RGL1: variants seen among roughly 807,000 people sequenced by gnomAD.
RGL1 encodes ral guanine nucleotide dissociation stimulator-like 1.
A neutral mutation model predicts 95.2 loss-of-function variants in RGL1; 24 were observed. That is an observed-to-expected ratio of 0.25 (90% CI 0.18 to 0.35). The LOEUF (loss-of-function observed/expected upper bound fraction) is 0.35, where lower values mean the gene tolerates loss of function less well. RGL1 is among the 10% of genes least tolerant of loss of function. The probability of loss-of-function intolerance (pLI) is 1.00; values close to 1 mark genes in which losing one functional copy is unlikely to be tolerated. For synonymous variants in RGL1, 329 were observed against 344.9 expected, an observed-to-expected ratio of 0.95 and a Z score of 0.51; for missense variants, 715 against 936.3, an observed-to-expected ratio of 0.76 and a Z score of 3.08.
chr1:183,905,165 C>A (rs1364205630), intron 13 of RGL1, among the ~76,000 whole-genome samples, 194 bp downstream of exon 13: 1 of 152,182 alleles, frequency 6.6e-6, no homozygotes, highest in Non-Finnish European at 1.5e-5. Context: ...CTTTCAGACT[C>A]TTGCTTGGCC....
intron 1 of RGL1, among the ~76,000 whole-genome samples, chr1:183,690,236 TA>T (rs1391270592): frequency 3.9e-5 from 6 of 152,210 alleles, no homozygotes; most frequent in Non-Finnish European, 8.8e-5. Flanking sequence ...GGATGGATTT[TA>T]GAGATGCTTT....
chr1:183,794,722 A>G (rs1170475719), intron 2 of RGL1, among the ~76,000 whole-genome samples: 1 of 152,222 alleles, frequency 6.6e-6, no homozygotes, highest in Non-Finnish European at 1.5e-5. Context: ...TGCCATTTGG[A>G]AGACTCCTCT....
upstream of RGL1, among the ~76,000 whole-genome samples, chr1:183,803,552 G>A (rs954172251): frequency 6.6e-6 from 1 of 152,250 alleles, no homozygotes; most frequent in Non-Finnish European, 1.5e-5. Flanking sequence ...TGAAACCTGA[G>A]TGGGGCCTTG....
chr1:183,926,151 C>T lies in RGL1; in HGVS notation c.2166C>T (p.Ser722=), dbSNP rs754939462. Residue 722 remains serine (S), a synonymous_variant, in exon 18 of 18, where the codon AGC becomes AGT. Coordinates refer to ENST00000360851, the MANE Select transcript of RGL1 (RefSeq NM_001297671.3). ...DSANVFYAMN[S]QVNFDFILRK... is the part of the protein sequence containing the mutation. ...CAAATGTCTTTTATGCCATGAACAGCCAAGTGAACTTTGACTTCATTTTGC... is the reference window on the plus strand; with the variant it reads ...CAAATGTCTTTTATGCCATGAACAGTCAAGTGAACTTTGACTTCATTTTGC... The T allele has an allele frequency of 6.2e-7, 1 of 1,614,082 alleles. No homozygotes were observed. Among genetic ancestry groups the T allele is most frequent in the East Asian group, 2.2e-5 (1 of 44,876 alleles).
At chr1:183,739,477 T>C (rs1179970290) in intron 1 of RGL1, among the ~76,000 whole-genome samples, 1 of 152,222 alleles carries the variant, frequency 6.6e-6, no homozygotes, top group Non-Finnish European at 1.5e-5. Flanking sequence ...TGAATCTTAT[T>C]TTTTCATTGC....
chr1:183,642,758 G>A (rs980271702), intron 1 of RGL1, among the ~76,000 whole-genome samples: 1 of 152,116 alleles, frequency 6.6e-6, no homozygotes, highest in African/African-American at 2.4e-5. Flanking sequence ...AGACCAGTAG[G>A]TGTCAACTAG....
chr1:183,707,397 A>AG (rs1654986974), intron 1 of RGL1, among the ~76,000 whole-genome samples: 1 of 152,210 alleles, frequency 6.6e-6, no homozygotes, highest in African/African-American at 2.4e-5. Context: ...GAGATCAGTG[A>AG]GGGGGAAGGG....
intron 2 of RGL1, among the ~76,000 whole-genome samples, chr1:183,842,527 G>A (rs1664130999): frequency 6.6e-6 from 1 of 152,114 alleles, no homozygotes. Context: ...CTTGGGCACA[G>A]TTTTAGATAT....
chr1:183,889,466 C>T (rs1667294969), intron 8 of RGL1, among the ~76,000 whole-genome samples: 1 of 152,150 alleles, frequency 6.6e-6, no homozygotes, highest in South Asian at 2.1e-4. Context: ...GGCTTCCCAG[C>T]CAGGCTGCCT....
At chr1:183,857,933 C>A (rs1558252857) in intron 3 of RGL1, among the ~76,000 whole-genome samples, 1 of 152,152 alleles carries the variant, frequency 6.6e-6, no homozygotes, top group Non-Finnish European at 1.5e-5. Flanking sequence ...AAAGACTTTG[C>A]CTCAGATCAT....
At chr1:183,793,024 C>T (rs759449797) in intron 2 of RGL1, among the ~76,000 whole-genome samples, 19 of 152,108 alleles carry the variant, frequency 1.2e-4, no homozygotes, top group Non-Finnish European at 2.6e-4. Context: ...CCTCACACTA[C>T]CTGACTTTGA....
At chr1:183,648,408 G>T (rs1650472996) in intron 1 of RGL1, 1 of 1,614,084 alleles carries the variant, frequency 6.2e-7, no homozygotes, top group Non-Finnish European at 8.5e-7. Flanking sequence ...ATTACAAGGG[G>T]AGTTGTTGGA....
intron 2 of RGL1, among the ~76,000 whole-genome samples, chr1:183,742,963 T>C (rs1165806767): frequency 6.6e-6 from 1 of 152,160 alleles, no homozygotes; most frequent in African/African-American, 2.4e-5. Flanking sequence ...GAGCTTGGGT[T>C]GTGACCATCT....
chr1:183,920,070 T>C (rs10911470), intron 16 of RGL1, among the ~76,000 whole-genome samples: 39,825 of 151,814 alleles, frequency 0.26, 5,607 homozygotes, highest in Non-Finnish European at 0.3. Flanking sequence ...AGTCTTGCAC[T>C]GTTGCCTGGG....
At chr1:183,849,427 A>G (rs967631476) in intron 3 of RGL1, among the ~76,000 whole-genome samples, 2 of 150,690 alleles carry the variant, frequency 1.3e-5, no homozygotes, top group Admixed American at 6.6e-5. Flanking sequence ...TAGCTTTATA[A>G]TATTTATTGA....
chr1:183,855,586 G>C (rs2102561399), intron 3 of RGL1, among the ~76,000 whole-genome samples: 1 of 152,242 alleles, frequency 6.6e-6, no homozygotes, highest in South Asian at 2.1e-4. Context: ...TCCTCTTCCA[G>C]GTCCAAGGAA....
rs1650378134 is a variant in RGL1 at position 183,647,576 on chromosome 1, A to C, written c.-33+11075A>C. 5 of 1,473,706 alleles carry C rather than the reference A, an allele frequency of 3.4e-6. No individual in the cohort carries two copies. In the African/African-American group the frequency reaches 7.0e-5, roughly 21 times the overall value. The allele number at this position is 1,473,706 out of a possible 1,614,324, so 91.3% of individuals were successfully genotyped here. A position where few individuals can be genotyped will look rare whatever the true frequency, so the allele number is the denominator to read the frequency against. On this transcript the variant is annotated intron_variant, in intron 1 of 18. Coordinates refer to the RGL1 transcript ENST00000304685. ...AGGTTTGCTTTTAGTGCATCAGTTT[A>C]TCTCCATCTTGGCTCAGCCCTGAGA...
At chr1:183,644,476 A>T (rs1312284822) in intron 1 of RGL1, among the ~76,000 whole-genome samples, 1 of 151,934 alleles carries the variant, frequency 6.6e-6, no homozygotes, top group Non-Finnish European at 1.5e-5. Context: ...CCCAGGCTGG[A>T]GTGTAGTGGT....
chr1:183,811,294 G>GA (rs1055775845), intron 2 of RGL1, among the ~76,000 whole-genome samples: 2 of 151,694 alleles, frequency 1.3e-5, no homozygotes, highest in South Asian at 2.1e-4. Flanking sequence ...GAATGTTGAA[G>GA]AAAAAAAAGG....
Sources: allele counts gnomAD v4.1 joint callset (sites outside exome capture counted in the v4.1 genomes callset), GRCh38; gene constraint gnomAD v4.1.1; transcripts MANE v1.5; gene names NCBI Gene and HGNC (gene_info 2026-07-23, HGNC 2026-07-21).